Variants in AGBL1 observed in about 807,000 individuals in gnomAD.
AGBL1 encodes AGBL carboxypeptidase 1, also known as cytosolic carboxypeptidase 4.
Under a neutral mutation model 118.9 loss-of-function variants are expected in AGBL1, and 130 were observed. The ratio of observed to expected loss-of-function variants is 1.09; its 90% CI spans 0.95 to 1.26. AGBL1 has a LOEUF of 1.26. Among genes scored for constraint, AGBL1 ranks in the 50% most tolerant of loss-of-function variants. The pLI is 0.00. For missense variants in AGBL1, 1,584 were observed against 1,298.1 expected, an observed-to-expected ratio of 1.22 and a Z score of -3.38; for synonymous variants, 555 against 478.9, an observed-to-expected ratio of 1.16 and a Z score of -2.08.
chr15:87,020,069 T>G (rs1478837726), intron 24 of AGBL1, among the ~76,000 whole-genome samples: 1 of 151,084 alleles, frequency 6.6e-6, no homozygotes, highest in Non-Finnish European at 1.5e-5. Flanking sequence ...AGGAAAAAAA[T>G]TGAATCCCTG....
At chr15:86,342,775 C>T (rs116236838) in intron 17 of AGBL1, among the ~76,000 whole-genome samples, 2,003 of 152,178 alleles carry the variant, frequency 0.013, 47 homozygotes, top group African/African-American at 0.045. Context: ...TATAGAATAC[C>T]TGATGTAAGT....
intron 22 of AGBL1, among the ~76,000 whole-genome samples, chr15:86,748,680 T>C (rs1051364619): frequency 6.6e-6 from 1 of 151,916 alleles, no homozygotes; most frequent in African/African-American, 2.4e-5. Context: ...CTTGAATTAA[T>C]TTTTGTATAA....
chr15:86,326,916 TTTTTTC>T (rs1223794732), intron 17 of AGBL1, among the ~76,000 whole-genome samples: 2 of 151,198 alleles, frequency 1.3e-5, no homozygotes. Context: ...ATCCTCGAGT[TTTTTTC>T]TTTTTCTTTT....
chr15:86,268,468 G>T (rs1007360622), intron 13 of AGBL1, among the ~76,000 whole-genome samples: 2 of 152,144 alleles, frequency 1.3e-5, no homozygotes, highest in Non-Finnish European at 2.9e-5. Flanking sequence ...ATCAGATCAG[G>T]ATGCGGCTAA....
intron 17 of AGBL1, among the ~76,000 whole-genome samples, chr15:86,382,312 A>G (rs1290590754): frequency 6.6e-6 from 1 of 152,172 alleles, no homozygotes; most frequent in Admixed American, 6.5e-5. Context: ...AGTCTTTGAG[A>G]CTGTTTGCAA....
At chr15:86,588,999 T>C (rs886238749) in intron 21 of AGBL1, among the ~76,000 whole-genome samples, 1 of 152,108 alleles carries the variant, frequency 6.6e-6, no homozygotes, top group African/African-American at 2.4e-5. Flanking sequence ...TTTATGTGTA[T>C]CTTTTCAGAA....
chr15:86,267,190 A>G, intron 13 of AGBL1, 114 bp downstream of exon 13: 1 of 784,698 alleles, frequency 1.3e-6, no homozygotes, highest in South Asian at 1.6e-5. Context: ...GAAATCAGCC[A>G]TGGTGGGAAT....
At chr15:86,703,623 G>A (rs1315648742) in intron 22 of AGBL1, among the ~76,000 whole-genome samples, 1 of 152,100 alleles carries the variant, frequency 6.6e-6, no homozygotes, top group African/African-American at 2.4e-5. Context: ...GAAGGACCTG[G>A]TGGGAGGTAA....
intron 17 of AGBL1, among the ~76,000 whole-genome samples, chr15:86,347,105 G>A (rs1462038813): frequency 5.9e-5 from 9 of 152,148 alleles, no homozygotes; most frequent in Non-Finnish European, 1.3e-4. Flanking sequence ...GGCTGACCTG[G>A]ATGGTAATTG....
At chr15:86,367,344 C>T (rs1303072785) in intron 17 of AGBL1, among the ~76,000 whole-genome samples, 2 of 152,276 alleles carry the variant, frequency 1.3e-5, no homozygotes, top group Middle Eastern at 3.4e-3. Context: ...TTATATGTTA[C>T]TAATTAGCAA....
At position 86,914,573 on chromosome 15, in the gene AGBL1, T is replaced by G. The variant is rs2080395562; in HGVS notation, c.*7279T>G. The G allele has an allele frequency of 6.6e-6, 1 of 152,178 alleles. No homozygotes were observed. The highest frequency in any genetic ancestry group is 1.5e-5 in the Non-Finnish European group (1 of 68,040). 9.4% of individuals were successfully genotyped at this position (152,178 alleles called of 1,614,324 possible). Reference sequence around the variant, plus strand: ...GGTAATTAGCAACACTTAGTATCTATAATAGTCTAAGACCATCGCAGGTGT... The same window carrying G: ...GGTAATTAGCAACACTTAGTATCTAGAATAGTCTAAGACCATCGCAGGTGT... On this transcript the variant is annotated 3_prime_UTR_variant, in exon 23 of 23. Transcript: ENST00000614907.
At chr15:86,331,489 G>A (rs191251295) in intron 17 of AGBL1, among the ~76,000 whole-genome samples, 8 of 152,144 alleles carry the variant, frequency 5.3e-5, no homozygotes, top group African/African-American at 1.4e-4. Flanking sequence ...AAATCACCAA[G>A]GCGTATAATC....
intron 22 of AGBL1, among the ~76,000 whole-genome samples, chr15:86,760,484 G>A (rs1255288589): frequency 1.3e-5 from 2 of 152,006 alleles, no homozygotes. Context: ...CCACAGAAGG[G>A]GTGAGGGATG....
chr15:86,366,552 G>T (rs1467228490), intron 17 of AGBL1, among the ~76,000 whole-genome samples: 1 of 152,122 alleles, frequency 6.6e-6, no homozygotes, highest in Non-Finnish European at 1.5e-5. Flanking sequence ...CTACTCTGCT[G>T]CCTCCACATT....
chr15:86,669,885 C>A (rs1014745176), intron 21 of AGBL1, among the ~76,000 whole-genome samples: 8 of 152,062 alleles, frequency 5.3e-5, no homozygotes, highest in African/African-American at 1.7e-4. Context: ...GCTTTCATTG[C>A]CAAATCTTTG....
intron 17 of AGBL1, among the ~76,000 whole-genome samples, chr15:86,396,356 A>T (rs760146871): frequency 1.5e-4 from 23 of 151,636 alleles, no homozygotes; most frequent in African/African-American, 5.3e-4. Context: ...TACTCCAGCT[A>T]TCTTCTATAA....
At chr15:86,162,473 C>T (rs2141719039) in intron 5 of AGBL1, among the ~76,000 whole-genome samples, 1 of 152,298 alleles carries the variant, frequency 6.6e-6, no homozygotes, top group South Asian at 2.1e-4. Context: ...CACATACTTG[C>T]TAGAGAGAAG....
intron 17 of AGBL1, among the ~76,000 whole-genome samples, chr15:86,348,067 C>T (rs558471746): frequency 6.6e-6 from 1 of 152,148 alleles, no homozygotes; most frequent in Non-Finnish European, 1.5e-5. Context: ...TCCAATTCAC[C>T]CCTACTTCTC....
intron 24 of AGBL1, among the ~76,000 whole-genome samples, chr15:87,005,797 GCT>G (rs1471063469): frequency 6.6e-6 from 1 of 152,124 alleles, no homozygotes; most frequent in African/African-American, 2.4e-5. Flanking sequence ...CAGTTTTTCT[GCT>G]CTGTTTTTTC....
Sources: gnomAD v4.1 joint callset for allele counts (sites outside exome capture counted in the v4.1 genomes callset) on GRCh38, gnomAD v4.1.1 for gene constraint, MANE v1.5 for transcripts, NCBI Gene and HGNC (gene_info 2026-07-23, HGNC 2026-07-21) for gene names.